The following PSME4 variants were observed in gnomAD, a reference collection of about 807,000 sequenced individuals.
The protein encoded by PSME4 is proteasome activator complex subunit 4.
A neutral mutation model predicts 253.9 loss-of-function variants in PSME4; 89 were observed. The observed-to-expected ratio is 0.35, with a 90% CI of 0.30 to 0.42. The LOEUF (loss-of-function observed/expected upper bound fraction) is 0.42. Ranked by LOEUF, PSME4 falls within the 10% of genes least tolerant of loss-of-function variation. The pLI is 1.00. For missense variants in PSME4, 2,014 were observed against 2,195.2 expected (o/e 0.92, Z 1.65); for synonymous variants, 851 against 759.2 (o/e 1.12, Z -1.99).
intron 37 of PSME4, 151 bp downstream of exon 37, chr2:53,889,953 C>T (rs552629062): frequency 3.2e-6 from 2 of 633,972 alleles, no homozygotes; most frequent in South Asian, 4.0e-5. Context: ...GAATAATAGT[C>T]TCTAATCCCA....
At chr2:53,916,125 T>C (rs1049857822) in intron 20 of PSME4, among the ~76,000 whole-genome samples, 5 of 150,706 alleles carry the variant, frequency 3.3e-5, no homozygotes, top group African/African-American at 7.3e-5. Flanking sequence ...CGGATGCCTG[T>C]AATCCCAGCT....
chr2:53,937,862 G>A (rs865862136), intron 4 of PSME4, among the ~76,000 whole-genome samples: 2 of 151,930 alleles, frequency 1.3e-5, no homozygotes, highest in African/African-American at 4.8e-5. Flanking sequence ...TGATGGCGGC[G>A]CACATCTGTA....
chr2:53,925,995 G>A lies in PSME4; in HGVS notation c.1622C>T (p.Ala541Val). 1.2e-6 allele frequency: 2 copies of A among 1,613,540 alleles called. No individual in the cohort carries two copies. The highest frequency in any genetic ancestry group is 2.2e-5 in the South Asian group (2 of 91,078). The change falls in exon 13 of 47, where the codon GCT (alanine) becomes GTT (valine). Residue 541 changes from alanine (A) to valine (V), a missense_variant. Physicochemically the swap from Ala to Val is moderately conservative, Grantham distance 64. Coordinates refer to ENST00000404125, the MANE Select transcript of PSME4 (RefSeq NM_014614.3). ...EVERELCSAT[A>V]EFEDFVLQFM... ...CTGTAAGACGAAATCCTCAAATTCA[G>A]CTGTGGCTGAACAAAGTTCTCGTTC...
chr2:53,967,335 T>C (rs1670782476), intron 1 of PSME4, among the ~76,000 whole-genome samples: 5 of 151,954 alleles, frequency 3.3e-5, no homozygotes, highest in Admixed American at 3.3e-4. Context: ...CTAAATGGAC[T>C]GAACTACTAA....
In PSME4 at chr2:53,939,977, G is replaced by A. The variant is rs1558412135; in HGVS notation, c.524C>T (p.Thr175Ile). ...FPNSVENILK[T>I]LVKSCRPYFP... Reference sequence around the variant, plus strand: ...TTACGGTCGGCAGCTTTTCACGAGTGTTTTGAGAATATTTTCTACAGAACT... The same window carrying A: ...TTACGGTCGGCAGCTTTTCACGAGTATTTTGAGAATATTTTCTACAGAACT... The change falls in exon 4 of 47, where the codon ACA becomes ATA. Residue 175 changes from threonine to isoleucine, a missense_variant. By Grantham distance (89) the Thr-to-Ile change is moderately conservative. Around this residue, in one of 4 missense-constraint regions of PSME4, gnomAD observed 615 missense variants for 594.4 expected, o/e 1.03. Transcript: ENST00000404125. The A allele has an allele frequency of 6.3e-7, 1 of 1,594,390 alleles. No homozygotes were observed. The highest frequency in any genetic ancestry group is 1.7e-5 in the Admixed American group (1 of 59,406).
intron 37 of PSME4, among the ~76,000 whole-genome samples, chr2:53,889,588 T>C (rs1006369121): frequency 1.3e-5 from 2 of 152,100 alleles, no homozygotes; most frequent in African/African-American, 4.8e-5. Flanking sequence ...CTAAAACTGA[T>C]AGGTGACTCA....
chr2:53,965,996 C>T (rs1292431681), intron 1 of PSME4, among the ~76,000 whole-genome samples: 2 of 152,164 alleles, frequency 1.3e-5, no homozygotes, highest in Non-Finnish European at 2.9e-5. Context: ...TAACACTCCA[C>T]TACTGGCACT....
chr2:53,932,023 G>C lies in PSME4; in HGVS notation c.1128C>G (p.Pro376=). The change falls in exon 10 of 47, where the codon CCC becomes CCG. Residue 376 remains proline, a synonymous_variant. Transcript: ENST00000404125. ...TATCAGGCACAGGAGTTAACCAAGAGGGCTTCTTGTATCTTTCACGATGCA... is the reference window on the plus strand; with the variant it reads ...TATCAGGCACAGGAGTTAACCAAGACGGCTTCTTGTATCTTTCACGATGCA... ...RRLHRERYKK[P]SWLTPVPDSH... 6.2e-7 allele frequency: 1 copy of C among 1,613,606 alleles called. No homozygotes were observed. The highest frequency in any genetic ancestry group is 1.3e-5 in the African/African-American group (1 of 75,022).
intron 23 of PSME4, 30 bp downstream of exon 23, chr2:53,908,480 C>A (rs779058671): frequency 6.2e-7 from 1 of 1,609,560 alleles, no homozygotes; most frequent in Admixed American, 1.7e-5. Flanking sequence ...TCGTATTAAT[C>A]ATTATGCAAC....
chr2:53,876,324 T>C (rs1228914259), intron 41 of PSME4, among the ~76,000 whole-genome samples: 2 of 152,122 alleles, frequency 1.3e-5, no homozygotes, highest in Admixed American at 6.6e-5. Flanking sequence ...AAAAGCTGTG[T>C]CTGTTGTTTT....
rs1194443523 is a variant in PSME4, at chr2:53,928,366, T to C, written c.1317-63A>G. 2.4e-6 allele frequency: 3 copies of C among 1,251,444 alleles called. No homozygotes were observed. The African/African-American group carries it at 4.5e-5, about 19-fold the overall frequency. 77.5% of individuals were successfully genotyped at this position (1,251,444 alleles called of 1,614,324 possible). On this transcript the variant is annotated intron_variant, in intron 10 of 46. Transcript: ENST00000404125. ...CAGATATGCATAATACCATAATACA[T>C]TAAATATAATAAATTCATAAACTGC...
At chr2:53,904,279 A>G in intron 26 of PSME4, 123 bp from the exon 27 acceptor site, 2 of 1,005,710 alleles carry the variant, frequency 2.0e-6, no homozygotes, top group Non-Finnish European at 2.9e-6. Flanking sequence ...AATAAATTTC[A>G]AAGCACGTAC....
At chr2:53,962,841 T>A (rs796380709) in intron 1 of PSME4, among the ~76,000 whole-genome samples, 4 of 151,956 alleles carry the variant, frequency 2.6e-5, no homozygotes, top group Non-Finnish European at 5.9e-5. Flanking sequence ...TGAAACCCCA[T>A]CTCTATTAAA....
At chr2:53,893,903 G>A in intron 34 of PSME4, 104 bp from the exon 35 acceptor site, 8 of 1,399,238 alleles carry the variant, frequency 5.7e-6, no homozygotes, top group Non-Finnish European at 7.4e-6. Context: ...AAAGCAGGCT[G>A]TATTTTTGTT....
rs575854879 is a variant in PSME4 at position 53,922,638 on chromosome 2, T to C, written c.1979-54A>G. 1.7e-5 allele frequency: 27 copies of C among 1,562,378 alleles called. No individual in the cohort carries two copies. In the South Asian group the frequency reaches 2.3e-4, roughly 13 times the overall value. On this transcript the variant is annotated intron_variant, in intron 16 of 46. Coordinates refer to ENST00000404125, the MANE Select transcript of PSME4 (RefSeq NM_014614.3). ...AAAAACCTATGCATTCAACTAAATATAGCATTTTAAAATACTTCTATTTAA... is the reference window on the plus strand; with the variant it reads ...AAAAACCTATGCATTCAACTAAATACAGCATTTTAAAATACTTCTATTTAA...
Position 53,920,292 on chromosome 2 carries a change from G to A in PSME4, c.2321C>T (p.Ser774Leu), listed in dbSNP as rs377459628. The A allele has an allele frequency of 1.2e-6, 2 of 1,613,888 alleles. No homozygotes were observed. Among genetic ancestry groups the A allele is most frequent in the African/African-American group, 1.3e-5 (1 of 75,020 alleles). Reference sequence around the variant, plus strand: ...ATAAAAGGCAAAAGACACTTCTTCTGAAGAAGGAACATGCCACTGGATTCC... The same window carrying A: ...ATAAAAGGCAAAAGACACTTCTTCTAAAGAAGGAACATGCCACTGGATTCC... Reference protein sequence around the residue: ...NLGIQWHVPSSEEVSFAFYLL... With the variant: ...NLGIQWHVPSLEEVSFAFYLL... The change falls in exon 19 of 47, where the codon TCA becomes TTA. Residue 774 changes from serine to leucine, a missense_variant. Physicochemically the swap from Ser to Leu is moderately radical, Grantham distance 145. Around this residue, in one of 4 missense-constraint regions of PSME4, gnomAD observed 989 missense variants for 1,021.1 expected, o/e 0.97. Transcript: ENST00000404125.
At chr2:53,945,244 G>GT (rs1187368655) in intron 3 of PSME4, among the ~76,000 whole-genome samples, 1 of 152,184 alleles carries the variant, frequency 6.6e-6, no homozygotes, top group African/African-American at 2.4e-5. Context: ...GCTACTCAAA[G>GT]TAAGTGTATG....
intron 41 of PSME4, among the ~76,000 whole-genome samples, chr2:53,876,498 T>C (rs182049811): frequency 3.3e-5 from 5 of 152,210 alleles, no homozygotes; most frequent in Non-Finnish European, 5.9e-5. Flanking sequence ...TTCATTGATA[T>C]TTAGCTTTGT....
chr2:53,956,254 C>G (rs529656765), intron 1 of PSME4, among the ~76,000 whole-genome samples: 97 of 152,114 alleles, frequency 6.4e-4, no homozygotes, highest in African/African-American at 2.2e-3. Flanking sequence ...ATAGGCTGGG[C>G]CTGGTGGCTC....
Sources: gnomAD v4.1 joint callset for allele counts (sites outside exome capture counted in the v4.1 genomes callset) on GRCh38, gnomAD v4.1.1 for gene constraint, gnomAD v4.1.1 regional missense constraint, MANE v1.5 for transcripts, NCBI Gene and HGNC (gene_info 2026-07-23, HGNC 2026-07-21) for gene names.